GPC3: variants seen among roughly 807,000 people sequenced by gnomAD.
GPC3 encodes glypican-3.
In GPC3, 3 loss-of-function variants were observed where a neutral mutation model predicts 34.4. That is an observed-to-expected ratio of 0.09 (90% CI 0.04 to 0.23). GPC3 has a LOEUF of 0.23. GPC3 is among the 10% of genes least tolerant of loss of function. GPC3 has a pLI of 1.00. For missense variants in GPC3, 351 were observed against 445.6 expected, an observed-to-expected ratio of 0.79 and a Z score of 1.91; for synonymous variants, 177 against 174.0, an observed-to-expected ratio of 1.02 and a Z score of -0.13.
intron 2 of GPC3, among the ~76,000 whole-genome samples, chrX:133,852,640 T>C (rs1240458158): frequency 2.7e-5 from 3 of 111,349 alleles, no homozygotes; most frequent in Non-Finnish European, 5.6e-5. Context: ...ATCATGGAGC[T>C]TGTGGGAAGT....
At chrX:133,957,489 C>T (rs2076421719) in intron 1 of GPC3, among the ~76,000 whole-genome samples, 1 of 111,530 alleles carries the variant, frequency 9.0e-6, no homozygotes, top group Admixed American at 9.5e-5. Flanking sequence ...ATAAATAAAA[C>T]AGAAAGAACA....
chrX:133,763,087 CCAATTG>C lies in GPC3; in HGVS notation c.338-8917_338-8912del. 5 of 643,376 alleles carry C rather than the reference CCAATTG, an allele frequency of 7.8e-6. No individual in the cohort carries two copies. In the South Asian group the frequency reaches 1.1e-4, roughly 14 times the overall value. 53.0% of individuals were successfully genotyped at this position (643,376 alleles called of 1,213,427 possible). A position where few individuals can be genotyped will look rare whatever the true frequency, so the allele number is the denominator to read the frequency against. ...GTTTGCTGCTGCCATGGGAGCCACT[CCAATTG>C]CTGGCCGCTTCACTCCTGGAATCTT... On this transcript the variant is annotated intron_variant, in intron 2 of 7. Coordinates refer to ENST00000370818, the MANE Select transcript of GPC3 (RefSeq NM_004484.4).
chrX:133,852,207 T>C (rs2075876926), intron 2 of GPC3, among the ~76,000 whole-genome samples: 1 of 111,874 alleles, frequency 8.9e-6, no homozygotes, highest in Non-Finnish European at 1.9e-5. Flanking sequence ...AATGACCTAA[T>C]ATTTTATTCA....
In GPC3 at chrX:133,866,684, T is replaced by C. The variant is rs769852537; in HGVS notation, c.337+86366A>G. 2.7e-5 allele frequency among the ~76,000 whole-genome samples: 3 copies of C among 112,006 alleles called. No homozygotes were observed. The East Asian group carries it at 8.4e-4, about 31-fold the overall frequency. Reference sequence around the variant, plus strand: ...AACTAACCTGATATTTTATGCTTCTTTAAGAAAAAACTAAAGTCATTTTCA... The same window carrying C: ...AACTAACCTGATATTTTATGCTTCTCTAAGAAAAAACTAAAGTCATTTTCA... On this transcript the variant is annotated intron_variant, in intron 2 of 7. Coordinates refer to ENST00000370818, the MANE Select transcript of GPC3 (RefSeq NM_004484.4).
At chrX:133,709,264 G>A (rs1231533661) in intron 3 of GPC3, among the ~76,000 whole-genome samples, 3 of 111,443 alleles carry the variant, frequency 2.7e-5, no homozygotes, top group Non-Finnish European at 5.7e-5. Context: ...GGACCCTAAA[G>A]AATTAAAACT....
intron 7 of GPC3, among the ~76,000 whole-genome samples, chrX:133,593,330 CAAAAAAAAAAAAAAAAAAAAAAGTAA>C (rs1230495705): frequency 1.3e-3 from 13 of 9,893 alleles, no homozygotes; most frequent in East Asian, 5.7e-3. Context: ...GAGACTGTCT[CAAAAAAAAAAAAAAAAAAAAAAGTAA>C]AAAAAAAAAA....
chrX:133,720,691 T>C (rs911363321), intron 3 of GPC3, among the ~76,000 whole-genome samples: 1 of 111,837 alleles, frequency 8.9e-6, no homozygotes, highest in African/African-American at 3.3e-5. Flanking sequence ...ATATACACCA[T>C]GGAATACTAT....
intron 1 of GPC3, among the ~76,000 whole-genome samples, 186 bp from the exon 2 acceptor site, chrX:133,953,397 T>C (rs1429133792): frequency 4.5e-5 from 5 of 110,780 alleles, no homozygotes; most frequent in Non-Finnish European, 9.4e-5. Flanking sequence ...TAATCCCTGC[T>C]TTCTCCCAAT....
chrX:133,569,520 G>A (rs2069607973), intron 7 of GPC3, among the ~76,000 whole-genome samples: 2 of 111,969 alleles, frequency 1.8e-5, no homozygotes, highest in African/African-American at 6.5e-5. Context: ...TATCATTACT[G>A]TCCCTGAGAG....
At chrX:133,614,385 A>T (rs2124350632) in intron 6 of GPC3, among the ~76,000 whole-genome samples, 1 of 111,573 alleles carries the variant, frequency 9.0e-6, no homozygotes, top group African/African-American at 3.2e-5. Flanking sequence ...ATGTACAAGT[A>T]ATCTTCAATA....
At chrX:133,897,135 G>A (rs182124738) in intron 2 of GPC3, among the ~76,000 whole-genome samples, 7 of 107,671 alleles carry the variant, frequency 6.5e-5, no homozygotes, top group Non-Finnish European at 1.2e-4. Context: ...CTCGATCTCC[G>A]GACCTCATGA....
intron 6 of GPC3, among the ~76,000 whole-genome samples, chrX:133,653,458 T>A (rs1343621094): frequency 9.0e-6 from 1 of 111,420 alleles, no homozygotes; most frequent in Admixed American, 9.6e-5. Flanking sequence ...TTATAAGATG[T>A]CCAGGAAGGT....
At chrX:133,871,381 G>A (rs911328844) in intron 2 of GPC3, among the ~76,000 whole-genome samples, 4 of 110,998 alleles carry the variant, frequency 3.6e-5, no homozygotes, top group Admixed American at 1.9e-4. Flanking sequence ...TTCTTACATC[G>A]ACCTCTAGCT....
chrX:133,945,432 A>T (rs2076363396), intron 2 of GPC3, among the ~76,000 whole-genome samples: 1 of 110,491 alleles, frequency 9.1e-6, no homozygotes, highest in Non-Finnish European at 1.9e-5. Flanking sequence ...TTAATTGAGA[A>T]AAAGATGTGC....
intron 2 of GPC3, among the ~76,000 whole-genome samples, chrX:133,808,517 T>G (rs942881737): frequency 9.0e-6 from 1 of 111,719 alleles, no homozygotes; most frequent in Non-Finnish European, 1.9e-5. Flanking sequence ...ATATGCCTGG[T>G]CCTTATATGC....
Position 133,852,985 on chromosome X carries a change from CAAAAAAAAAA to C in GPC3, c.338-98819_338-98810del, listed in dbSNP as rs33927142. Among the ~76,000 whole-genome samples, 17 of 42,131 alleles carry C rather than the reference CAAAAAAAAAA, an allele frequency of 4.0e-4. No individual in the cohort carries two copies. In the South Asian group the frequency reaches 0.024, roughly 60 times the overall value. The allele number at this position is 42,131 out of a possible 115,157, so 36.6% of individuals were successfully genotyped here. ...AATTTGACGTGCAATTTTTAAATTCCAAAAAAAAAAAAAAAAAAAAAAAAGCTTTCTTCTG... is the reference window on the plus strand; with the variant it reads ...AATTTGACGTGCAATTTTTAAATTCCAAAAAAAAAAAAAAGCTTTCTTCTG... On this transcript the variant is annotated intron_variant, in intron 2 of 7. Transcript: ENST00000370818.
chrX:133,615,719 G>A (rs1445640630), intron 6 of GPC3, among the ~76,000 whole-genome samples: 5 of 107,314 alleles, frequency 4.7e-5, no homozygotes, highest in East Asian at 2.9e-4. Flanking sequence ...AAACCCGCAC[G>A]TTGTGAACAT....
intron 2 of GPC3, among the ~76,000 whole-genome samples, chrX:133,794,752 G>C (rs750526926): frequency 1.8e-5 from 2 of 112,278 alleles, no homozygotes; most frequent in African/African-American, 6.5e-5. Context: ...TGGCTACTAA[G>C]TGGCTGAAGA....
intron 2 of GPC3, among the ~76,000 whole-genome samples, chrX:133,897,326 A>G (rs1193017680): frequency 4.7e-5 from 5 of 106,258 alleles, no homozygotes; most frequent in Non-Finnish European, 9.6e-5. Context: ...CTGGAATTAT[A>G]GGCATGAGCC....
Sources: gnomAD v4.1 joint callset for allele counts (sites outside exome capture counted in the v4.1 genomes callset) on GRCh38, gnomAD v4.1.1 for gene constraint, MANE v1.5 for transcripts, NCBI Gene and HGNC (gene_info 2026-07-23, HGNC 2026-07-21) for gene names.